Variants in TNRC6B observed in about 807,000 individuals in gnomAD.
TNRC6B encodes trinucleotide repeat containing adaptor 6B, also known as trinucleotide repeat-containing gene 6B protein.
In TNRC6B, 52 loss-of-function variants were observed where a neutral mutation model predicts 203.6. The observed-to-expected ratio is 0.26, with a 90% confidence interval of 0.20 to 0.32. The LOEUF (loss-of-function observed/expected upper bound fraction) is 0.32, where lower values mean the gene tolerates loss of function less well. Ranked by LOEUF, TNRC6B falls within the 10% of genes least tolerant of loss-of-function variation. The pLI is 1.00. For synonymous variants in TNRC6B, 838 were observed against 845.7 expected, an observed-to-expected ratio of 0.99 and a Z score of 0.16; for missense variants, 1,923 against 2,286.2, an observed-to-expected ratio of 0.84 and a Z score of 3.24.
intron 1 of TNRC6B, among the ~76,000 whole-genome samples, chr22:40,090,481 A>G (rs1601809377): frequency 1.3e-5 from 2 of 151,080 alleles, no homozygotes; most frequent in African/African-American, 2.4e-5. Flanking sequence ...TGCCATCTGT[A>G]TATCTTCTTC....
At chr22:40,294,364 C>G (rs1158074084) in intron 12 of TNRC6B, among the ~76,000 whole-genome samples, 2 of 152,206 alleles carry the variant, frequency 1.3e-5, no homozygotes, top group Non-Finnish European at 2.9e-5. Flanking sequence ...ATCCGATGTT[C>G]TCCCGTATGT....
intron 1 of TNRC6B, among the ~76,000 whole-genome samples, chr22:40,214,498 A>G (rs2069607731): frequency 6.6e-6 from 1 of 151,806 alleles, no homozygotes; most frequent in Non-Finnish European, 1.5e-5. Context: ...AAACTGGGTA[A>G]TGGGCATACA....
At position 40,265,511 on chromosome 22, in the gene TNRC6B, A is replaced by G. The variant is rs765157138; in HGVS notation, c.1281A>G (p.Ala427=). The G allele has an allele frequency of 6.2e-7, 1 of 1,613,910 alleles. No individual in the cohort carries two copies. The highest frequency in any genetic ancestry group is 1.1e-5 in the South Asian group (1 of 91,076). The change falls in exon 5 of 23, where the codon GCA becomes GCG. Residue 427 remains alanine, a synonymous_variant. Coordinates refer to ENST00000454349, the MANE Select transcript of TNRC6B (RefSeq NM_001162501.2). ...CTGGGAGTGTTGGATCTTGGGGTGCAGCTAGGGGGCCTTCTGGAACTGACA... is the reference window on the plus strand; with the variant it reads ...CTGGGAGTGTTGGATCTTGGGGTGCGGCTAGGGGGCCTTCTGGAACTGACA... The part of the protein sequence containing the change: ...RKTGSVGSWG[A]ARGPSGTDTV...
At chr22:40,262,699 G>A (rs751170290) in intron 4 of TNRC6B, among the ~76,000 whole-genome samples, 2 of 152,082 alleles carry the variant, frequency 1.3e-5, no homozygotes, top group African/African-American at 4.8e-5. Context: ...GTTAAAAACT[G>A]TATGTAGAAA....
intron 1 of TNRC6B, among the ~76,000 whole-genome samples, chr22:40,049,885 T>A (rs1462685007): frequency 1.3e-5 from 2 of 152,310 alleles, no homozygotes; most frequent in East Asian, 3.9e-4. Flanking sequence ...ATTACAGGCA[T>A]GAGCCACCGC....
chr22:40,224,381 T>A (rs1028094735), intron 1 of TNRC6B, among the ~76,000 whole-genome samples: 15 of 152,218 alleles, frequency 9.9e-5, no homozygotes, highest in African/African-American at 2.7e-4. Context: ...CTATCTTTCC[T>A]TTTCTGTGAA....
At chr22:40,154,874 T>C (rs1371840802) in intron 3 of TNRC6B, among the ~76,000 whole-genome samples, 1 of 53,226 alleles carries the variant, frequency 1.9e-5, no homozygotes, top group Non-Finnish European at 3.2e-5. Flanking sequence ...TATATATATA[T>C]ATATATATAT....
In TNRC6B at chr22:40,281,111, CT is replaced by C; in HGVS notation, c.3412-4del. ...CGTTGTGATTGGCTAACTCCTACTA[CT>C]TTTCAGCTGACTTTGCCTTTCTCCA... On this transcript the variant is annotated splice_region_variant and splice_polypyrimidine_tract_variant and intron_variant, in intron 10 of 22. Coordinates refer to ENST00000454349, the MANE Select transcript of TNRC6B (RefSeq NM_001162501.2). 1 of 1,546,514 alleles carries C rather than the reference CT, an allele frequency of 6.5e-7. No homozygotes were observed. Among genetic ancestry groups the C allele is most frequent in the Non-Finnish European group, 8.7e-7 (1 of 1,144,516 alleles).
chr22:40,273,504 G>A lies in TNRC6B; in HGVS notation c.3045G>A (p.Glu1015=). 1 of 1,602,500 alleles carries A rather than the reference G, an allele frequency of 6.2e-7. No homozygotes were observed. Among genetic ancestry groups the A allele is most frequent in the Non-Finnish European group, 8.5e-7 (1 of 1,174,380 alleles). ...CTCGCCATCCCAGCTGGGAAGAGGA[G>A]GAGGATGGAGGAGTCTGGAACACCA... is the stretch of plus-strand genomic sequence containing the variant. ...TGARHPSWEE[E]EDGGVWNTTG... is the part of the protein sequence containing the mutation. Residue 1015 remains glutamate, a synonymous_variant, in exon 7 of 23, where the codon GAG becomes GAA. Transcript: ENST00000454349.
chr22:40,283,737 G>A (rs1332836702), intron 11 of TNRC6B, among the ~76,000 whole-genome samples: 1 of 152,164 alleles, frequency 6.6e-6, no homozygotes, highest in African/African-American at 2.4e-5. Context: ...TATGGTGGGG[G>A]AGGGTGGAAA....
At chr22:40,320,956 T>A in intron 21 of TNRC6B, 134 bp from the exon 22 acceptor site, 1 of 954,606 alleles carries the variant, frequency 1.0e-6, no homozygotes, top group Non-Finnish European at 1.6e-6. Flanking sequence ...CATATGCTTT[T>A]GTTTTGAGCT....
intron 12 of TNRC6B, among the ~76,000 whole-genome samples, chr22:40,286,712 T>TC (rs764483087): frequency 6.6e-6 from 1 of 152,156 alleles, no homozygotes; most frequent in Non-Finnish European, 1.5e-5. Context: ...TTTAGGTCTG[T>TC]CCCTTAGTAG....
intron 1 of TNRC6B, among the ~76,000 whole-genome samples, chr22:40,190,638 G>T (rs1013284299): frequency 6.6e-6 from 1 of 152,198 alleles, no homozygotes; most frequent in Non-Finnish European, 1.5e-5. Context: ...CTTTACTCCT[G>T]TAATCAGGAG....
chr22:40,218,593 G>A (rs1165870305), intron 1 of TNRC6B, among the ~76,000 whole-genome samples: 3 of 152,142 alleles, frequency 2.0e-5, no homozygotes, highest in African/African-American at 7.2e-5. Flanking sequence ...TTCCCAAAGT[G>A]CTGGGACTAC....
chr22:40,099,916 A>G (rs1285864404), intron 1 of TNRC6B, among the ~76,000 whole-genome samples: 1 of 151,792 alleles, frequency 6.6e-6, no homozygotes, highest in African/African-American at 2.4e-5. Context: ...ATGCCTGGCT[A>G]ATTTTTTTGT....
upstream of TNRC6B, among the ~76,000 whole-genome samples, chr22:40,175,955 C>T (rs2069052160): frequency 6.6e-6 from 1 of 152,160 alleles, no homozygotes; most frequent in African/African-American, 2.4e-5. Flanking sequence ...TGGGATTTTA[C>T]AAGCATTCGT....
chr22:40,072,841 G>A lies in TNRC6B; in HGVS notation c.-121+27843G>A, dbSNP rs531742871. ...ATTGTGCCATTGCATTCCAGCCTGGGCAACAGAGCGAGATTCTCTCAAAAA... is the reference window on the plus strand; with the variant it reads ...ATTGTGCCATTGCATTCCAGCCTGGACAACAGAGCGAGATTCTCTCAAAAA... On this transcript the variant is annotated intron_variant, in intron 1 of 23. Coordinates refer to the TNRC6B transcript ENST00000301923. Among the ~76,000 whole-genome samples, 18 of 134,862 alleles carry A rather than the reference G, an allele frequency of 1.3e-4. No individual in the cohort carries two copies. In the South Asian group the frequency reaches 4.2e-3, roughly 31 times the overall value. The allele number at this position is 134,862 out of a possible 152,430, so 88.5% of individuals were successfully genotyped here. A position where few individuals can be genotyped will look rare whatever the true frequency, so the allele number is the denominator to read the frequency against.
intron 1 of TNRC6B, among the ~76,000 whole-genome samples, chr22:40,081,678 C>T (rs185226924): frequency 6.6e-6 from 1 of 152,284 alleles, no homozygotes; most frequent in African/African-American, 2.4e-5. Context: ...ATAGTTCCTC[C>T]TTTATAGGGT....
Position 40,107,376 on chromosome 22 carries a change from C to G in TNRC6B, c.-120-9679C>G, listed in dbSNP as rs575987207. ...TCTATCCAGACTTTCTGGCTGTCCT[C>G]AGCAGAATGGTTGGTCTTCATTACC... On this transcript the variant is annotated intron_variant, in intron 1 of 23. Coordinates refer to the TNRC6B transcript ENST00000301923. 3.2e-4 allele frequency among the ~76,000 whole-genome samples: 49 copies of G among 152,326 alleles called. No homozygotes were observed. The South Asian group carries it at 9.9e-3, about 31-fold the overall frequency.
Sources: allele counts gnomAD v4.1 joint callset (sites outside exome capture counted in the v4.1 genomes callset), GRCh38; gene constraint gnomAD v4.1.1; transcripts MANE v1.5; gene names NCBI Gene and HGNC (gene_info 2026-07-23, HGNC 2026-07-21).